SCHIP1: variants seen among roughly 807,000 people sequenced by gnomAD.
SCHIP1 encodes the protein schwannomin-interacting protein 1.
SCHIP1 carries 8 observed loss-of-function variants against 29.7 expected under a neutral mutation model. The observed-to-expected ratio is 0.27, with a 90% CI of 0.16 to 0.49. The LOEUF (loss-of-function observed/expected upper bound fraction) is 0.49, where lower values mean the gene tolerates loss of function less well. Ranked by LOEUF, SCHIP1 falls within the 20% of genes least tolerant of loss-of-function variation. The pLI is 0.99. For missense variants in SCHIP1, 193 were observed against 294.6 expected (o/e 0.66, Z 2.52); for synonymous variants, 76 against 94.9 (o/e 0.80, Z 1.16).
At chr3:159,545,042 C>T in the SCHIP1 span, among the ~76,000 whole-genome samples, 1 of 152,048 alleles carries the variant, frequency 6.6e-6, no homozygotes, top group East Asian at 1.9e-4. Flanking sequence ...GATCAAGAGC[C>T]ATGTTTCCCA....
the SCHIP1 span, among the ~76,000 whole-genome samples, chr3:159,440,825 G>A: frequency 1.3e-4 from 20 of 152,090 alleles, no homozygotes; most frequent in Admixed American, 5.9e-4. Context: ...TACTCAGAGC[G>A]GGTTATTATC....
the SCHIP1 span, among the ~76,000 whole-genome samples, chr3:159,690,512 G>C: frequency 6.6e-6 from 1 of 152,090 alleles, no homozygotes; most frequent in South Asian, 2.1e-4. Flanking sequence ...CTGGCTAGCA[G>C]TCTATCTATT....
chr3:159,474,001 A>G, the SCHIP1 span, among the ~76,000 whole-genome samples: 1 of 152,052 alleles, frequency 6.6e-6, no homozygotes, highest in Non-Finnish European at 1.5e-5. Context: ...TGCAGGTTAA[A>G]TTGTCTCTAA....
At chr3:159,297,484 C>G in the SCHIP1 span, among the ~76,000 whole-genome samples, 1 of 152,250 alleles carries the variant, frequency 6.6e-6, no homozygotes, top group East Asian at 1.9e-4. Flanking sequence ...AGTCACTGCA[C>G]AGCCTGCCAC....
chr3:159,879,245 GT>G (rs1716191139), intron 2 of SCHIP1, among the ~76,000 whole-genome samples: 1 of 150,712 alleles, frequency 6.6e-6, no homozygotes, highest in South Asian at 2.1e-4. Flanking sequence ...TTTTGTTTTG[GT>G]TTTGTTTTTG....
the SCHIP1 span, among the ~76,000 whole-genome samples, chr3:159,426,784 A>AC: frequency 6.6e-6 from 1 of 152,218 alleles, no homozygotes; most frequent in Non-Finnish European, 1.5e-5. Flanking sequence ...AAAAATCCTC[A>AC]ATAAAATACT....
At chr3:159,504,513 TG>T in the SCHIP1 span, among the ~76,000 whole-genome samples, 1 of 152,196 alleles carries the variant, frequency 6.6e-6, no homozygotes, top group Non-Finnish European at 1.5e-5. Context: ...CCAATAAGTC[TG>T]GGAAGGCAGT....
At chr3:159,615,082 A>C in the SCHIP1 span, among the ~76,000 whole-genome samples, 1 of 152,192 alleles carries the variant, frequency 6.6e-6, no homozygotes, top group Non-Finnish European at 1.5e-5. Context: ...GCTTTGGTTA[A>C]CTCTCAAAAG....
the SCHIP1 span, among the ~76,000 whole-genome samples, chr3:159,534,913 C>T: frequency 1.3e-5 from 2 of 152,156 alleles, no homozygotes; most frequent in Non-Finnish European, 2.9e-5. Context: ...CACTCCCCAA[C>T]CCAAAATCTG....
At chr3:159,537,223 G>A in the SCHIP1 span, among the ~76,000 whole-genome samples, 2 of 152,174 alleles carry the variant, frequency 1.3e-5, no homozygotes, top group Non-Finnish European at 1.5e-5. Context: ...TGCTTCTGAA[G>A]CTGAGTGCTG....
the SCHIP1 span, among the ~76,000 whole-genome samples, chr3:159,629,357 A>G: frequency 6.6e-6 from 1 of 152,244 alleles, no homozygotes; most frequent in Admixed American, 6.5e-5. Context: ...CCATTTGCTT[A>G]TTTCAGAAAT....
At chr3:159,604,359 C>A in the SCHIP1 span, among the ~76,000 whole-genome samples, 2 of 152,274 alleles carry the variant, frequency 1.3e-5, no homozygotes, top group South Asian at 4.1e-4. Context: ...CCAAGAGAAT[C>A]ATTTAGATGA....
chr3:159,674,989 T>G, the SCHIP1 span, among the ~76,000 whole-genome samples: 2 of 152,200 alleles, frequency 1.3e-5, no homozygotes, highest in African/African-American at 4.8e-5. Context: ...CACCCTACAT[T>G]GGACCAGGAA....
the SCHIP1 span, among the ~76,000 whole-genome samples, chr3:159,707,767 G>A: frequency 1.3e-5 from 2 of 152,134 alleles, no homozygotes; most frequent in Non-Finnish European, 1.5e-5. Flanking sequence ...CTAGATCAAG[G>A]AATGCAATCT....
At chr3:159,685,365 T>C in the SCHIP1 span, among the ~76,000 whole-genome samples, 1 of 152,146 alleles carries the variant, frequency 6.6e-6, no homozygotes, top group African/African-American at 2.4e-5. Context: ...GAGTAAAAGG[T>C]TTTTATTTTC....
the SCHIP1 span, among the ~76,000 whole-genome samples, chr3:159,339,149 TC>T: frequency 1.3e-5 from 2 of 151,980 alleles, no homozygotes; most frequent in Admixed American, 6.6e-5. Context: ...GCATGGCTAT[TC>T]CATCAAAGAA....
the SCHIP1 span, among the ~76,000 whole-genome samples, chr3:159,388,799 C>T: frequency 4.6e-5 from 7 of 152,014 alleles, no homozygotes; most frequent in East Asian, 1.9e-4. Context: ...TATTTCAACT[C>T]GGGAAATGGA....
At chr3:159,789,354 T>C in the SCHIP1 span, among the ~76,000 whole-genome samples, 1 of 152,366 alleles carries the variant, frequency 6.6e-6, no homozygotes, top group Non-Finnish European at 1.5e-5. Context: ...GAGAGTAATC[T>C]GTTTTACTTA....
At chr3:159,880,808 C>T (rs1367108409) in intron 2 of SCHIP1, among the ~76,000 whole-genome samples, 1 of 152,124 alleles carries the variant, frequency 6.6e-6, no homozygotes, top group African/African-American at 2.4e-5. Context: ...TTATAAAAAT[C>T]ATTTATAGTC....
Sources: allele counts gnomAD v4.1 joint callset (sites outside exome capture counted in the v4.1 genomes callset), GRCh38; gene constraint gnomAD v4.1.1; transcripts MANE v1.5; gene names NCBI Gene and HGNC (gene_info 2026-07-23, HGNC 2026-07-21).